TENM3: variants seen among roughly 807,000 people sequenced by gnomAD.
TENM3 encodes teneurin transmembrane protein 3, also known as teneurin-3.
TENM3 carries 63 observed loss-of-function variants against 255.1 expected under a neutral mutation model. That is an observed-to-expected ratio of 0.25 (90% CI 0.20 to 0.30). TENM3 has a LOEUF of 0.30. TENM3 is among the 10% of genes least tolerant of loss of function. The pLI is 1.00. For missense variants in TENM3, 2,929 were observed against 3,461.1 expected (o/e 0.85, Z 3.86); for synonymous variants, 1,306 against 1,322.3 (o/e 0.99, Z 0.27).
the TENM3 span, among the ~76,000 whole-genome samples, chr4:181,481,418 G>T: frequency 9.2e-5 from 14 of 152,038 alleles, no homozygotes; most frequent in African/African-American, 2.7e-4. Flanking sequence ...ATATATGAGG[G>T]TATTTAAGTA....
At chr4:182,582,807 C>T (rs1745629876) in intron 3 of TENM3, among the ~76,000 whole-genome samples, 1 of 152,076 alleles carries the variant, frequency 6.6e-6, no homozygotes, top group South Asian at 2.1e-4. Flanking sequence ...TTCAGTGAAC[C>T]ACATACAACA....
At chr4:182,715,766 C>T (rs1192696367) in intron 13 of TENM3, among the ~76,000 whole-genome samples, 1 of 152,212 alleles carries the variant, frequency 6.6e-6, no homozygotes, top group Non-Finnish European at 1.5e-5. Flanking sequence ...CTCACACACA[C>T]ACACAGAGAC....
At chr4:181,563,660 G>A in the TENM3 span, among the ~76,000 whole-genome samples, 26,044 of 152,120 alleles carry the variant, frequency 0.17, 2,649 homozygotes, top group African/African-American at 0.26. Flanking sequence ...AATTTGAGAT[G>A]CAGACATACA....
chr4:182,253,251 C>G (rs930275208), intron 1 of TENM3, among the ~76,000 whole-genome samples: 2 of 152,118 alleles, frequency 1.3e-5, no homozygotes, highest in African/African-American at 4.8e-5. Context: ...GTGGGTGGGT[C>G]ACCTGAGGTC....
the TENM3 span, among the ~76,000 whole-genome samples, chr4:182,075,360 T>G: frequency 1.4e-4 from 21 of 152,034 alleles, no homozygotes; most frequent in East Asian, 5.8e-4. Context: ...CACCACACCC[T>G]GCTAATTTTT....
At chr4:182,778,484 C>G (rs1043772660) in intron 24 of TENM3, among the ~76,000 whole-genome samples, 3 of 152,154 alleles carry the variant, frequency 2.0e-5, no homozygotes, top group African/African-American at 7.2e-5. Flanking sequence ...CAACCTGTAG[C>G]AAGTTGATGC....
chr4:181,920,445 A>T, the TENM3 span, among the ~76,000 whole-genome samples: 3 of 152,116 alleles, frequency 2.0e-5, no homozygotes, highest in East Asian at 5.8e-4. Context: ...GTGAGATGGT[A>T]TCTCATTGTG....
At chr4:182,323,383 T>C (rs1178018162) in intron 1 of TENM3, among the ~76,000 whole-genome samples, 1 of 149,004 alleles carries the variant, frequency 6.7e-6, no homozygotes, top group African/African-American at 2.5e-5. Flanking sequence ...AACATGAAAA[T>C]TGTGCCCTCT....
At chr4:182,391,121 A>G (rs569747167) in intron 3 of TENM3, among the ~76,000 whole-genome samples, 28 of 152,278 alleles carry the variant, frequency 1.8e-4, no homozygotes, top group African/African-American at 6.5e-4. Context: ...ACAGACTTTT[A>G]TATTAGAGTA....
At chr4:181,557,209 T>C in the TENM3 span, among the ~76,000 whole-genome samples, 6 of 152,090 alleles carry the variant, frequency 3.9e-5, no homozygotes, top group African/African-American at 1.5e-4. Flanking sequence ...GTGGAGGAGT[T>C]ACTCTTTGAA....
At chr4:182,339,547 A>G (rs1345825419) in intron 2 of TENM3, among the ~76,000 whole-genome samples, 4 of 152,080 alleles carry the variant, frequency 2.6e-5, no homozygotes, top group African/African-American at 9.7e-5. Flanking sequence ...GAGTAGATAG[A>G]TGTAGCTTAC....
At chr4:182,197,010 A>T (rs1428655554) in intron 1 of TENM3, among the ~76,000 whole-genome samples, 2 of 152,038 alleles carry the variant, frequency 1.3e-5, no homozygotes, top group African/African-American at 4.8e-5. Flanking sequence ...GCCATTGTTC[A>T]CGTTTCCCAT....
chr4:182,431,048 C>G (rs56912078), intron 3 of TENM3, among the ~76,000 whole-genome samples: 1 of 143,884 alleles, frequency 7.0e-6, no homozygotes. Context: ...AACAAACAAA[C>G]AAACAAACAA....
upstream of TENM3, among the ~76,000 whole-genome samples, chr4:182,140,861 C>T (rs543206317): frequency 3.9e-5 from 6 of 152,330 alleles, no homozygotes; most frequent in South Asian, 1.2e-3. Flanking sequence ...CGACACTCGG[C>T]TGAGACTTGA....
chr4:181,657,956 G>A, the TENM3 span, among the ~76,000 whole-genome samples: 1 of 152,156 alleles, frequency 6.6e-6, no homozygotes, highest in Non-Finnish European at 1.5e-5. Context: ...TGGACATAAA[G>A]ATGGGAGAAA....
At chr4:181,482,904 C>T in the TENM3 span, among the ~76,000 whole-genome samples, 5 of 152,108 alleles carry the variant, frequency 3.3e-5, no homozygotes, top group Non-Finnish European at 7.4e-5. Context: ...TCTTGACATA[C>T]GGTGTTCGGC....
At chr4:181,528,428 G>C in the TENM3 span, among the ~76,000 whole-genome samples, 6 of 152,272 alleles carry the variant, frequency 3.9e-5, no homozygotes, top group South Asian at 1.2e-3. Flanking sequence ...AAATTGAAGA[G>C]ATTTAGAGAT....
chr4:181,584,628 AG>A, the TENM3 span, among the ~76,000 whole-genome samples: 3 of 152,198 alleles, frequency 2.0e-5, no homozygotes, highest in African/African-American at 4.8e-5. Flanking sequence ...CCTACCCCTA[AG>A]TTAAAGAACT....
intron 3 of TENM3, among the ~76,000 whole-genome samples, chr4:182,527,149 A>G (rs1013234383): frequency 1.3e-5 from 2 of 152,234 alleles, no homozygotes; most frequent in Non-Finnish European, 2.9e-5. Context: ...TTAACAATCA[A>G]AGGAGGTAAT....
Sources: gnomAD v4.1 joint callset for allele counts (sites outside exome capture counted in the v4.1 genomes callset) on GRCh38, gnomAD v4.1.1 for gene constraint, MANE v1.5 for transcripts, NCBI Gene and HGNC (gene_info 2026-07-23, HGNC 2026-07-21) for gene names.